FER: variants seen among roughly 807,000 people sequenced by gnomAD.
FER encodes the protein FER tyrosine kinase, also known as tyrosine-protein kinase Fer.
A neutral mutation model predicts 111.0 loss-of-function variants in FER; 63 were observed. The observed-to-expected ratio is 0.57, with a 90% confidence interval of 0.46 to 0.70. The LOEUF is 0.70. Ranked by LOEUF, FER falls within the 30% of genes least tolerant of loss-of-function variation. FER has a pLI of 0.00. For synonymous variants in FER, 327 were observed against 313.9 expected (o/e 1.04, Z -0.44); for missense variants, 914 against 954.0 (o/e 0.96, Z 0.55).
chr5:108,946,296 A>G (rs112946339), intron 11 of FER, 74 bp downstream of exon 11: 51,266 of 948,834 alleles, frequency 0.054, 1,906 homozygotes, highest in South Asian at 0.1. Context: ...TAATGAATAT[A>G]TATATATGTG....
At chr5:109,061,580 G>A (rs567929176) in intron 16 of FER, among the ~76,000 whole-genome samples, 2 of 152,232 alleles carry the variant, frequency 1.3e-5, no homozygotes, top group African/African-American at 4.8e-5. Context: ...ATCCTTTTAT[G>A]AAATGAAAAT....
intron 16 of FER, among the ~76,000 whole-genome samples, chr5:109,064,508 A>G (rs1581869648): frequency 6.6e-6 from 1 of 152,342 alleles, no homozygotes; most frequent in South Asian, 2.1e-4. Context: ...GTGGTTTTAA[A>G]GAGTGCCAAG....
intron 13 of FER, among the ~76,000 whole-genome samples, chr5:109,009,586 A>G (rs770057342): frequency 6.6e-6 from 1 of 152,228 alleles, no homozygotes; most frequent in Admixed American, 6.5e-5. Context: ...CTACTCTTAT[A>G]GAATCTACCT....
intron 1 of FER, among the ~76,000 whole-genome samples, chr5:108,755,354 A>T (rs1368078133): frequency 6.6e-6 from 1 of 152,138 alleles, no homozygotes; most frequent in Non-Finnish European, 1.5e-5. Flanking sequence ...CTTCTGTAGT[A>T]TGTGTCCTTT....
chr5:108,995,118 A>G (rs994202293), intron 13 of FER, among the ~76,000 whole-genome samples: 3 of 151,970 alleles, frequency 2.0e-5, no homozygotes, highest in Non-Finnish European at 4.4e-5. Flanking sequence ...CTCTTACCTG[A>G]TTGCCCTGGC....
At chr5:109,180,055 G>C (rs1435338916) in intron 17 of FER, among the ~76,000 whole-genome samples, 1 of 152,212 alleles carries the variant, frequency 6.6e-6, no homozygotes, top group Non-Finnish European at 1.5e-5. Context: ...GGTATACAGT[G>C]CAAACAAGCT....
At chr5:108,945,942 T>C (rs1026841627) in intron 10 of FER, among the ~76,000 whole-genome samples, 188 bp from the exon 11 acceptor site, 1 of 152,080 alleles carries the variant, frequency 6.6e-6, no homozygotes, top group Admixed American at 6.6e-5. Flanking sequence ...TGTTGAGGGG[T>C]CAGTAAAGTA....
At chr5:108,960,309 AC>A (rs1252769140) in intron 13 of FER, among the ~76,000 whole-genome samples, 1 of 152,132 alleles carries the variant, frequency 6.6e-6, no homozygotes, top group African/African-American at 2.4e-5. Flanking sequence ...TTATTGTACT[AC>A]TGAGTCTTCA....
chr5:108,965,836 A>C (rs1759734830), intron 13 of FER, among the ~76,000 whole-genome samples: 1 of 152,218 alleles, frequency 6.6e-6, no homozygotes, highest in South Asian at 2.1e-4. Context: ...AGAGACTATA[A>C]GCGTGTTGTG....
chr5:108,897,911 C>G, intron 10 of FER, 63 bp downstream of exon 10: 3 of 1,346,528 alleles, frequency 2.2e-6, no homozygotes, highest in Non-Finnish European at 3.0e-6. Context: ...TAAGTGCATA[C>G]AAAAATTATT....
Position 108,954,949 on chromosome 5 carries a change from G to T in FER, c.1533+17G>T. 6.3e-7 allele frequency: 1 copy of T among 1,586,696 alleles called. No individual in the cohort carries two copies. The highest frequency in any genetic ancestry group is 8.6e-7 in the Non-Finnish European group (1 of 1,163,084). ...TATGTTGATGTACGTTTCCAGTTTA[G>T]TTCATATGTATATTTTGATGTAGTT... On this transcript the variant is annotated intron_variant, in intron 12 of 19. Transcript: ENST00000281092.
At chr5:109,123,250 G>A (rs1482988263) in intron 17 of FER, among the ~76,000 whole-genome samples, 1 of 148,806 alleles carries the variant, frequency 6.7e-6, no homozygotes, top group East Asian at 2.0e-4. Flanking sequence ...CCGCCTCCCG[G>A]GTTCACGCCA....
chr5:109,096,471 A>G (rs956862764), intron 16 of FER, among the ~76,000 whole-genome samples: 19 of 151,920 alleles, frequency 1.3e-4, no homozygotes, highest in African/African-American at 3.6e-4. Context: ...CGTGTCACCA[A>G]TGGCTAGTAT....
At chr5:108,928,411 T>G (rs1484427696) in intron 10 of FER, among the ~76,000 whole-genome samples, 1 of 152,188 alleles carries the variant, frequency 6.6e-6, no homozygotes, top group Non-Finnish European at 1.5e-5. Context: ...TATATTTCAG[T>G]TTTTGGTGAT....
At chr5:108,884,512 G>GTTTTTT (rs776345488) in intron 9 of FER, among the ~76,000 whole-genome samples, 14 of 144,584 alleles carry the variant, frequency 9.7e-5, no homozygotes, top group Non-Finnish European at 9.1e-5. Flanking sequence ...CTTATGCCTG[G>GTTTTTT]TTTTTTTTTT....
intron 2 of FER, among the ~76,000 whole-genome samples, chr5:108,791,300 CTACA>C (rs113922170): frequency 4.9e-4 from 50 of 102,292 alleles, no homozygotes; most frequent in Middle Eastern, 5.3e-3. Flanking sequence ...CAGTGCTAAA[CTACA>C]TGTCTGTCTT....
At chr5:108,897,187 G>A (rs1019160967) in intron 9 of FER, among the ~76,000 whole-genome samples, 17 of 152,172 alleles carry the variant, frequency 1.1e-4, no homozygotes, top group Non-Finnish European at 2.4e-4. Context: ...CTTGCCGCCA[G>A]ACACACATCC....
intron 3 of FER, among the ~76,000 whole-genome samples, chr5:108,804,628 A>G (rs1757009218): frequency 6.6e-6 from 1 of 152,190 alleles, no homozygotes; most frequent in South Asian, 2.1e-4. Flanking sequence ...TCGTGTGACA[A>G]ATTACAGTTA....
Position 109,188,387 on chromosome 5 carries a change from C to CA in FER, c.*825dup, listed in dbSNP as rs367719763. The CA allele has an allele frequency of 0.59, 80,576 of 136,230 alleles. 23,480 individuals are homozygous for CA. Among genetic ancestry groups the CA allele is most frequent in the African/African-American group, 0.63 (23,531 of 37,156 alleles). The allele number at this position is 136,230 out of a possible 1,614,324, so 8.4% of individuals were successfully genotyped here. A position where few individuals can be genotyped will look rare whatever the true frequency, so the allele number is the denominator to read the frequency against. Reference sequence around the variant, plus strand: ...TTGCATGGTGAAACCCTGTCTCTACCAAAAAAAAAAAAAGAAACACACACA... The same window carrying CA: ...TTGCATGGTGAAACCCTGTCTCTACCAAAAAAAAAAAAAAGAAACACACACA... On this transcript the variant is annotated 3_prime_UTR_variant, in exon 20 of 20. Transcript: ENST00000281092.
Sources: gnomAD v4.1 joint callset for allele counts (sites outside exome capture counted in the v4.1 genomes callset) on GRCh38, gnomAD v4.1.1 for gene constraint, MANE v1.5 for transcripts, NCBI Gene and HGNC (gene_info 2026-07-23, HGNC 2026-07-21) for gene names.